FANCB: variants seen among roughly 807,000 people sequenced by gnomAD.
FANCB encodes the protein FA complementation group B.
FANCB carries 5 observed loss-of-function variants against 38.9 expected under a neutral mutation model. The ratio of observed to expected loss-of-function variants is 0.13; its 90% CI spans 0.07 to 0.27. The LOEUF (loss-of-function observed/expected upper bound fraction) is 0.27, where lower values mean the gene tolerates loss of function less well. FANCB is among the 10% of genes least tolerant of loss of function. FANCB has a pLI of 1.00. For synonymous variants in FANCB, 236 were observed against 215.4 expected (o/e 1.10, Z -0.84); for missense variants, 573 against 602.7 (o/e 0.95, Z 0.52).
At chrX:14,697,470 AAAT>A in the FANCB span, among the ~76,000 whole-genome samples, 74 of 110,573 alleles carry the variant, frequency 6.7e-4, no homozygotes, top group Admixed American at 4.6e-3. Context: ...GAAATCGAAA[AAAT>A]AATAATAATC....
chrX:14,730,155 A>G, the FANCB span: 1 of 970,505 alleles, frequency 1.0e-6, no homozygotes, highest in Non-Finnish European at 1.5e-6. Flanking sequence ...AGCATCTTCC[A>G]TCTAACTTGA....
chrX:14,695,084 T>C, the FANCB span, among the ~76,000 whole-genome samples: 1 of 111,652 alleles, frequency 9.0e-6, no homozygotes, highest in Non-Finnish European at 1.9e-5. Context: ...AAATGTATAT[T>C]TGGCAGTGAC....
At chrX:14,696,875 G>A in the FANCB span, among the ~76,000 whole-genome samples, 1 of 112,100 alleles carries the variant, frequency 8.9e-6, no homozygotes, top group African/African-American at 3.2e-5. Flanking sequence ...TCTTAAGTTT[G>A]TGTATGGCTA....
the FANCB span, among the ~76,000 whole-genome samples, chrX:14,809,992 A>G: frequency 8.9e-6 from 1 of 112,012 alleles, no homozygotes; most frequent in South Asian, 3.7e-4. Flanking sequence ...AAAATTCCAG[A>G]GAAACGATCA....
At chrX:14,862,835 T>C (rs932927805) in intron 3 of FANCB, among the ~76,000 whole-genome samples, 7 of 111,933 alleles carry the variant, frequency 6.3e-5, no homozygotes, top group African/African-American at 2.3e-4. Context: ...CACTGGTAAG[T>C]GGCTCAGTTG....
the FANCB span, among the ~76,000 whole-genome samples, chrX:14,708,905 T>C: frequency 2.7e-5 from 3 of 109,823 alleles, no homozygotes; most frequent in African/African-American, 1.0e-4. Flanking sequence ...CATTGCACTC[T>C]AGTCTGGGCA....
At chrX:14,804,040 T>G in the FANCB span, among the ~76,000 whole-genome samples, 1 of 112,047 alleles carries the variant, frequency 8.9e-6, no homozygotes, top group Non-Finnish European at 1.9e-5. Context: ...TTGGTGGGAC[T>G]GTAAACTAGT....
At chrX:14,814,270 G>C in the FANCB span, among the ~76,000 whole-genome samples, 2 of 111,626 alleles carry the variant, frequency 1.8e-5, no homozygotes, top group Non-Finnish European at 3.8e-5. Context: ...CATGGGCAAG[G>C]ACTTCATGAC....
intron 3 of FANCB, among the ~76,000 whole-genome samples, chrX:14,862,035 G>C (rs144882314): frequency 8.9e-6 from 1 of 112,097 alleles, no homozygotes; most frequent in African/African-American, 3.2e-5. Context: ...GGCTTCAAGT[G>C]ATCTGCCTGC....
At chrX:14,771,537 T>C in the FANCB span, among the ~76,000 whole-genome samples, 4 of 111,701 alleles carry the variant, frequency 3.6e-5, no homozygotes, top group Admixed American at 9.5e-5. Context: ...GCTCCTGTAC[T>C]GTTTTATCAT....
chrX:14,850,362 A>C, intron 7 of FANCB, 143 bp downstream of exon 7: 1 of 540,307 alleles, frequency 1.9e-6, no homozygotes, highest in Non-Finnish European at 3.2e-6. Context: ...AAAAAACAGT[A>C]ATAATAATTT....
In FANCB at chrX:14,848,633, T is replaced by C. The variant is rs1478237490; in HGVS notation, c.1496+1872A>G. Among the ~76,000 whole-genome samples, 3 of 111,995 alleles carry C rather than the reference T, an allele frequency of 2.7e-5. No homozygotes were observed. The Admixed American group carries it at 2.8e-4, about 11-fold the overall frequency. On this transcript the variant is annotated intron_variant, in intron 7 of 9. Coordinates refer to ENST00000650831, the MANE Select transcript of FANCB (RefSeq NM_001018113.3). ...TTGCTAATCATAGGTTATCGAAAGA[T>C]TGTGTTTCTGTTTTAAGGCTCTGTT...
At chrX:14,702,280 T>C in the FANCB span, among the ~76,000 whole-genome samples, 1 of 111,549 alleles carries the variant, frequency 9.0e-6, no homozygotes, top group African/African-American at 3.3e-5. Flanking sequence ...TACAATCAGA[T>C]TGGAACTGTG....
intron 7 of FANCB, among the ~76,000 whole-genome samples, chrX:14,847,761 T>A (rs780603262): frequency 9.1e-6 from 1 of 109,981 alleles, no homozygotes; most frequent in Non-Finnish European, 1.9e-5. Flanking sequence ...GGATCAGAAA[T>A]GAACAGGGAA....
At chrX:14,840,341 T>C (rs2092351858), downstream of FANCB, among the ~76,000 whole-genome samples, 1 of 111,950 alleles carries the variant, frequency 8.9e-6, no homozygotes, top group African/African-American at 3.3e-5. Flanking sequence ...AGCCTGACAG[T>C]CTTTTCCTCA....
At chrX:14,722,981 G>C in the FANCB span, among the ~76,000 whole-genome samples, 5 of 112,698 alleles carry the variant, frequency 4.4e-5, no homozygotes, top group Non-Finnish European at 3.7e-5. Flanking sequence ...AATTTTAACT[G>C]TATTGGCTAA....
chrX:14,831,276 G>C (rs1288868476), downstream of FANCB, among the ~76,000 whole-genome samples: 1 of 112,293 alleles, frequency 8.9e-6, no homozygotes, highest in Non-Finnish European at 1.9e-5. Flanking sequence ...ACAGAAAATG[G>C]GCTCCGCCTA....
chrX:14,779,422 T>C, the FANCB span, among the ~76,000 whole-genome samples: 1 of 111,751 alleles, frequency 8.9e-6, no homozygotes, highest in Non-Finnish European at 1.9e-5. Context: ...GTGACAGTAT[T>C]AAGAGGTGGG....
At chrX:14,814,502 T>C in the FANCB span, among the ~76,000 whole-genome samples, 12 of 111,839 alleles carry the variant, frequency 1.1e-4, no homozygotes, top group African/African-American at 3.9e-4. Context: ...CATCAAAAAG[T>C]GGGCAAAGGA....
Sources: gnomAD v4.1 joint callset for allele counts (sites outside exome capture counted in the v4.1 genomes callset) on GRCh38, gnomAD v4.1.1 for gene constraint, MANE v1.5 for transcripts, NCBI Gene and HGNC (gene_info 2026-07-23, HGNC 2026-07-21) for gene names.